The following GNG2 variants were observed in gnomAD, a reference collection of about 807,000 sequenced individuals.
GNG2 encodes guanine nucleotide-binding protein G(I)/G(S)/G(O) subunit gamma-2.
A neutral mutation model predicts 5.5 loss-of-function variants in GNG2; 5 were observed. The observed-to-expected ratio is 0.91, with a 90% confidence interval of 0.48 to 1.92. The LOEUF is 1.92. Among genes scored for constraint, GNG2 ranks in the 30% most tolerant of loss-of-function variants. The pLI is 0.01. For missense variants in GNG2, 55 were observed against 88.4 expected, an observed-to-expected ratio of 0.62 and a Z score of 1.52; for synonymous variants, 28 against 32.0, an observed-to-expected ratio of 0.88 and a Z score of 0.42.
chr14:51,908,714 C>G lies in GNG2; in HGVS notation c.-30+31057C>G, dbSNP rs913248839. On this transcript the variant is annotated intron_variant, in intron 2 of 3. Coordinates refer to ENST00000556766, the MANE Select transcript of GNG2 (RefSeq NM_053064.5). ...CTTCCTTAGTGGCTAGGATTACAGG[C>G]GTGCGCCACCACACCCAGCTAATTT... Among the ~76,000 whole-genome samples the G allele has an allele frequency of 2.7e-5, 4 of 149,830 alleles. No individual in the cohort carries two copies. In the East Asian group the frequency reaches 8.1e-4, roughly 30 times the overall value.
At chr14:51,861,321 AAC>A (rs970333857) in intron 1 of GNG2, 1 of 152,178 alleles carries the variant, frequency 6.6e-6, no homozygotes, top group African/African-American at 2.4e-5. Flanking sequence ...ACCATTAAAA[AAC>A]AGTGTCTTCC....
At chr14:51,952,652 A>G (rs74051375) in intron 3 of GNG2, among the ~76,000 whole-genome samples, 7,778 of 152,246 alleles carry the variant, frequency 0.051, 456 homozygotes, top group East Asian at 0.14. Flanking sequence ...GAAGGAGGAT[A>G]TGATGTGCTC....
chr14:51,966,269 T>C (rs984095032), intron 3 of GNG2, among the ~76,000 whole-genome samples: 7 of 141,698 alleles, frequency 4.9e-5, no homozygotes, highest in African/African-American at 1.8e-4. Context: ...TGCGGGGCTA[T>C]GGAAGTGCAG....
chr14:51,840,078 G>A (rs1167610471), intron 2 of GNG2, among the ~76,000 whole-genome samples: 1 of 152,136 alleles, frequency 6.6e-6, no homozygotes, highest in Admixed American at 6.5e-5. Flanking sequence ...GACTCCAGAA[G>A]GTATAAGAGT....
At chr14:51,935,117 C>T (rs750162127) in intron 2 of GNG2, among the ~76,000 whole-genome samples, 1 of 151,508 alleles carries the variant, frequency 6.6e-6, no homozygotes, top group African/African-American at 2.4e-5. Context: ...CTCTGCCTCC[C>T]GAGTTCACGC....
chr14:51,934,570 G>A (rs1032552127), intron 2 of GNG2, among the ~76,000 whole-genome samples: 1 of 151,942 alleles, frequency 6.6e-6, no homozygotes. Flanking sequence ...ACTGAGGCCC[G>A]GGGGGAAATG....
chr14:51,921,701 A>G (rs2140226318), intron 2 of GNG2, among the ~76,000 whole-genome samples: 1 of 152,328 alleles, frequency 6.6e-6, no homozygotes, highest in East Asian at 1.9e-4. Flanking sequence ...AGCAGGAGAA[A>G]TCAATGCCAT....
chr14:51,911,851 A>G lies in GNG2; in HGVS notation c.-30+34194A>G, dbSNP rs565943499. On this transcript the variant is annotated intron_variant, in intron 2 of 3. Transcript: ENST00000556766. The stretch of plus-strand genomic sequence containing the variant: ...GGCGTGAGCCACCATGCCCATCCTG[A>G]TAGCCTTTTCTTATGTTTTTTTTTT... 1.4e-4 allele frequency among the ~76,000 whole-genome samples: 20 copies of G among 138,266 alleles called. 2 individuals carry two copies. The highest frequency in any genetic ancestry group is 6.4e-4 in the African/African-American group (20 of 31,442). 90.7% of individuals were successfully genotyped at this position (138,266 alleles called of 152,430 possible). A position where few individuals can be genotyped will look rare whatever the true frequency, so the allele number is the denominator to read the frequency against.
At chr14:51,954,468 A>ATC in intron 3 of GNG2, among the ~76,000 whole-genome samples, 1 of 152,190 alleles carries the variant, frequency 6.6e-6, no homozygotes, top group East Asian at 1.9e-4. Context: ...CACAAAAGTA[A>ATC]AGGACAGCAG....
intron 2 of GNG2, among the ~76,000 whole-genome samples, chr14:51,949,560 A>G (rs1888852326): frequency 6.6e-6 from 1 of 152,218 alleles, no homozygotes; most frequent in South Asian, 2.1e-4. Context: ...CTTCAGAACA[A>G]GATTCCATTA....
intron 3 of GNG2, among the ~76,000 whole-genome samples, chr14:51,965,629 G>T (rs1181727039): frequency 6.6e-6 from 1 of 152,120 alleles, no homozygotes; most frequent in Non-Finnish European, 1.5e-5. Flanking sequence ...AAAGTCACAG[G>T]TATAAATTTT....
intron 2 of GNG2, among the ~76,000 whole-genome samples, chr14:51,838,621 T>G (rs1437707203): frequency 6.6e-6 from 1 of 152,230 alleles, no homozygotes; most frequent in African/African-American, 2.4e-5. Flanking sequence ...TTTTAAATTT[T>G]TTATTGAGAT....
intron 2 of GNG2, among the ~76,000 whole-genome samples, chr14:51,851,900 G>A (rs1232038332): frequency 1.3e-5 from 2 of 152,174 alleles, no homozygotes; most frequent in Non-Finnish European, 2.9e-5. Flanking sequence ...TAAAGGTGCA[G>A]GTAATGTCAT....
intron 3 of GNG2, among the ~76,000 whole-genome samples, chr14:51,956,875 G>T (rs1424692285): frequency 6.6e-6 from 1 of 152,066 alleles, no homozygotes; most frequent in East Asian, 1.9e-4. Context: ...TGGGGATCTG[G>T]TTTTTATCCT....
intron 2 of GNG2, among the ~76,000 whole-genome samples, chr14:51,898,302 G>C (rs1449847928): frequency 6.6e-6 from 1 of 152,084 alleles, no homozygotes; most frequent in Non-Finnish European, 1.5e-5. Context: ...TGACTTGCAA[G>C]AACAATTTTA....
intron 2 of GNG2, among the ~76,000 whole-genome samples, chr14:51,851,624 T>A (rs547105903): frequency 1.3e-5 from 2 of 152,262 alleles, no homozygotes; most frequent in Non-Finnish European, 2.9e-5. Context: ...TCCCATCTGA[T>A]GACTGTCATA....
intron 1 of GNG2, among the ~76,000 whole-genome samples, chr14:51,877,172 T>C (rs568555863): frequency 6.6e-6 from 1 of 152,322 alleles, no homozygotes; most frequent in East Asian, 1.9e-4. Flanking sequence ...ACAAACTGTA[T>C]GCACTCAAAC....
intron 2 of GNG2, among the ~76,000 whole-genome samples, chr14:51,832,691 G>C (rs1004897426): frequency 2.0e-5 from 3 of 152,212 alleles, no homozygotes; most frequent in Admixed American, 1.3e-4. Context: ...TCCTCACAAG[G>C]CAGGCAGGGA....
intron 2 of GNG2, among the ~76,000 whole-genome samples, chr14:51,945,105 A>G (rs1198479051): frequency 1.3e-5 from 2 of 149,778 alleles, no homozygotes. Flanking sequence ...TAGGATGGCT[A>G]CTATGAAAAC....
Sources: gnomAD v4.1 joint callset for allele counts (sites outside exome capture counted in the v4.1 genomes callset) on GRCh38, gnomAD v4.1.1 for gene constraint, MANE v1.5 for transcripts, NCBI Gene and HGNC (gene_info 2026-07-23, HGNC 2026-07-21) for gene names.